Variants in CTNNA3 observed in about 807,000 individuals in gnomAD.
CTNNA3 encodes catenin alpha 3.
CTNNA3 carries 76 observed loss-of-function variants against 95.7 expected under a neutral mutation model. The observed-to-expected ratio is 0.79, with a 90% CI of 0.66 to 0.96. CTNNA3 has a LOEUF of 0.96. Among genes scored for constraint, CTNNA3 ranks in the 40% least tolerant of loss-of-function variants. The pLI is 0.00. For missense variants in CTNNA3, 1,191 were observed against 1,089.8 expected, an observed-to-expected ratio of 1.09 and a Z score of -1.31; for synonymous variants, 431 against 374.4, an observed-to-expected ratio of 1.15 and a Z score of -1.74.
intron 15 of CTNNA3, among the ~76,000 whole-genome samples, chr10:65,989,581 T>A (rs1390147369): frequency 2.0e-5 from 3 of 150,936 alleles, no homozygotes; most frequent in African/African-American, 4.8e-5. Context: ...TTTAAAAAAA[T>A]TTATTGATGG....
At chr10:66,484,600 C>T (rs763350224) in intron 11 of CTNNA3, among the ~76,000 whole-genome samples, 8 of 151,854 alleles carry the variant, frequency 5.3e-5, no homozygotes, top group Non-Finnish European at 1.2e-4. Flanking sequence ...ATAACCCTTA[C>T]TGGGAATCAG....
At chr10:66,268,646 G>C (rs2091210496) in intron 13 of CTNNA3, among the ~76,000 whole-genome samples, 1 of 152,306 alleles carries the variant, frequency 6.6e-6, no homozygotes, top group African/African-American at 2.4e-5. Flanking sequence ...GGAACAAAGA[G>C]TGTGACAAGG....
intron 7 of CTNNA3, among the ~76,000 whole-genome samples, chr10:66,969,270 T>C (rs971007963): frequency 1.3e-5 from 2 of 152,138 alleles, no homozygotes; most frequent in African/African-American, 2.4e-5. Context: ...TGATACTGTA[T>C]ATCAATTTTA....
At chr10:66,850,649 T>C (rs1843453185) in intron 7 of CTNNA3, among the ~76,000 whole-genome samples, 1 of 152,164 alleles carries the variant, frequency 6.6e-6, no homozygotes, top group Non-Finnish European at 1.5e-5. Context: ...TATTCTTAAA[T>C]AATAAGACAA....
rs750771729 is a variant in CTNNA3 at position 66,927,771 on chromosome 10, G to A, written c.1048-152247C>T. 6.8e-6 allele frequency: 11 copies of A among 1,614,092 alleles called. No individual in the cohort carries two copies. The Middle Eastern group carries it at 9.9e-4, about 145-fold the overall frequency. ...TCCCGAATCTGCAGCGCCTCAACCT[G>A]GATTCCAACAAGCTCACATTTATTG... is the stretch of plus-strand genomic sequence containing the variant. On this transcript the variant is annotated intron_variant, in intron 7 of 17. Transcript: ENST00000433211. This position sits in a 1 kb window ranked among gnomAD's most constrained non-coding sequence, Gnocchi z 4.7.
chr10:67,755,760 C>A (rs1841429133), intron 1 of CTNNA3, among the ~76,000 whole-genome samples: 1 of 144,704 alleles, frequency 6.9e-6, no homozygotes, highest in African/African-American at 2.6e-5. Context: ...CGAGATCACA[C>A]CATTGCACTC....
chr10:67,613,170 T>C (rs914542533), intron 2 of CTNNA3, among the ~76,000 whole-genome samples: 1 of 152,160 alleles, frequency 6.6e-6, no homozygotes, highest in Non-Finnish European at 1.5e-5. Flanking sequence ...TTCAGCAACC[T>C]CAACCTGGGG....
chr10:66,594,611 C>T (rs565136149), intron 10 of CTNNA3, among the ~76,000 whole-genome samples: 12 of 152,268 alleles, frequency 7.9e-5, no homozygotes, highest in African/African-American at 1.4e-4. Context: ...GAATTGTACA[C>T]GGTTTTTTCC....
At chr10:66,601,130 G>A (rs1262655359) in intron 10 of CTNNA3, among the ~76,000 whole-genome samples, 1 of 151,854 alleles carries the variant, frequency 6.6e-6, no homozygotes, top group African/African-American at 2.4e-5. Context: ...GTACCTGCCA[G>A]ATCTCAGATG....
chr10:67,701,076 A>G (rs1841035287), upstream of CTNNA3, among the ~76,000 whole-genome samples: 1 of 152,208 alleles, frequency 6.6e-6, no homozygotes, highest in Non-Finnish European at 1.5e-5. Flanking sequence ...AGTTTAGAGA[A>G]GAAAGCATAA....
At chr10:66,866,593 CT>C (rs1389338535) in intron 7 of CTNNA3, among the ~76,000 whole-genome samples, 1 of 152,120 alleles carries the variant, frequency 6.6e-6, no homozygotes, top group Non-Finnish European at 1.5e-5. Flanking sequence ...TTATTTGACT[CT>C]ACAAAATATA....
chr10:66,443,578 C>T (rs996641354), intron 11 of CTNNA3, among the ~76,000 whole-genome samples: 3 of 152,182 alleles, frequency 2.0e-5, no homozygotes, highest in African/African-American at 4.8e-5. Flanking sequence ...TGGAGTGGAC[C>T]TCTAGCAAAC....
Position 66,865,014 on chromosome 10 carries a change from T to C in CTNNA3, c.1048-89490A>G, listed in dbSNP as rs138427291. 5.3e-3 allele frequency among the ~76,000 whole-genome samples: 805 copies of C among 152,188 alleles called. 10 individuals are homozygous for C. Among genetic ancestry groups the C allele is most frequent in the African/African-American group, 0.019 (777 of 41,522 alleles). Reference sequence around the variant, plus strand: ...AGTGGCATATTTTAGAGAAAAACCATAAAATATTGGAAAGAGAAAAGGATT... The same window carrying C: ...AGTGGCATATTTTAGAGAAAAACCACAAAATATTGGAAAGAGAAAAGGATT... On this transcript the variant is annotated intron_variant, in intron 7 of 17. Transcript: ENST00000433211.
chr10:66,466,993 G>A (rs758665154), intron 11 of CTNNA3, among the ~76,000 whole-genome samples: 2 of 151,988 alleles, frequency 1.3e-5, no homozygotes, highest in East Asian at 3.9e-4. Flanking sequence ...AAATGGCAGG[G>A]ATTCTAATCT....
At chr10:67,625,526 A>G (rs74428957) in intron 2 of CTNNA3, among the ~76,000 whole-genome samples, 5,397 of 152,336 alleles carry the variant, frequency 0.035, 95 homozygotes, top group Middle Eastern at 0.078. Flanking sequence ...TGGCTCATTA[A>G]CTTGAGTCAT....
chr10:65,955,351 C>T (rs2077706975), intron 17 of CTNNA3, among the ~76,000 whole-genome samples: 1 of 152,132 alleles, frequency 6.6e-6, no homozygotes, highest in African/African-American at 2.4e-5. Context: ...AATTTGACTT[C>T]CTCTTTTCCT....
chr10:67,140,507 T>G (rs1399702583), intron 7 of CTNNA3, among the ~76,000 whole-genome samples: 1 of 152,154 alleles, frequency 6.6e-6, no homozygotes, highest in African/African-American at 2.4e-5. Flanking sequence ...TTTAAAATAA[T>G]TTTTTTAAAA....
intron 5 of CTNNA3, among the ~76,000 whole-genome samples, chr10:67,293,924 C>T (rs1839935178): frequency 6.6e-6 from 1 of 152,086 alleles, no homozygotes; most frequent in Admixed American, 6.5e-5. Context: ...CACTGTTGGA[C>T]ATTTGGCTTG....
intron 9 of CTNNA3, among the ~76,000 whole-genome samples, chr10:66,756,817 G>A (rs568956041): frequency 6.6e-6 from 1 of 151,882 alleles, no homozygotes; most frequent in East Asian, 1.9e-4. Context: ...CCAAAATAAC[G>A]TCCTCTAGAT....
Sources: allele counts gnomAD v4.1 joint callset (sites outside exome capture counted in the v4.1 genomes callset), GRCh38; gene constraint gnomAD v4.1.1; non-coding constraint Gnocchi (gnomAD v3.1); transcripts MANE v1.5; gene names NCBI Gene and HGNC (gene_info 2026-07-23, HGNC 2026-07-21).